ZNF878: variants seen among roughly 807,000 people sequenced by gnomAD.
ZNF878 encodes zinc finger protein 878.
ZNF878 carries 10 observed loss-of-function variants against 11.1 expected under a neutral mutation model. That is an observed-to-expected ratio of 0.90 (90% CI 0.56 to 1.53). The LOEUF is 1.53. ZNF878 is among the 40% of genes most tolerant of loss of function. The probability of loss-of-function intolerance (pLI) is 0.00; values close to 1 mark genes in which losing one functional copy is unlikely to be tolerated. For missense variants in ZNF878, 548 were observed against 626.1 expected, an observed-to-expected ratio of 0.88 and a Z score of 1.33; for synonymous variants, 165 against 209.7, an observed-to-expected ratio of 0.79 and a Z score of 1.84.
At chr19:12,049,572 C>T (rs1016195815) in intron 1 of ZNF878, among the ~76,000 whole-genome samples, 2 of 150,512 alleles carry the variant, frequency 1.3e-5, no homozygotes, top group East Asian at 3.9e-4. Context: ...GAGTTCAAGA[C>T]CAGCTTGGCC....
intron 2 of ZNF878, 88 bp from the exon 3 acceptor site, chr19:12,046,516 C>T: frequency 6.4e-7 from 1 of 1,558,128 alleles, no homozygotes; most frequent in Non-Finnish European, 8.8e-7. Context: ...GCTCATTGCA[C>T]CTGTGTCTCA....
chr19:12,051,126 A>G (rs1975547495), intron 1 of ZNF878, among the ~76,000 whole-genome samples: 1 of 148,260 alleles, frequency 6.7e-6, no homozygotes, highest in African/African-American at 2.5e-5. Context: ...AAAGAAAAGA[A>G]AAGAAATTAA....
Position 12,046,740 on chromosome 19 carries a change from A to G in ZNF878, c.24T>C (p.Asp8=). Residue 8 remains aspartate, a synonymous_variant, in exon 2 of 4, where the codon GAT becomes GAC. Transcript: ENST00000547628. MDSVAFE[D]VAVNFTQEEW... ...CCTCCTGGGTGAAGTTCACAGCCAC[A>G]TCCTCAAAGGCCACCGAATCCTGAA... The G allele has an allele frequency of 6.2e-7, 1 of 1,614,012 alleles. No individual in the cohort carries two copies. The highest frequency in any genetic ancestry group is 8.5e-7 in the Non-Finnish European group (1 of 1,179,964).
rs534193617 is a variant in ZNF878, at chr19:12,052,890, C to G, written c.-89G>C. The stretch of plus-strand genomic sequence containing the variant: ...GCAGTCGACAGAGCAACAGCAGCTA[C>G]GGCGGAAGTAACTGGTCCCTCTCGG... On this transcript the variant is annotated 5_prime_UTR_variant, in exon 1 of 4. Transcript: ENST00000547628. 5.5e-4 allele frequency: 837 copies of G among 1,514,280 alleles called. 1 individual carries two copies. The highest frequency in any genetic ancestry group is 7.1e-4 in the Non-Finnish European group (797 of 1,128,974). 93.8% of individuals were successfully genotyped at this position (1,514,280 alleles called of 1,614,324 possible).
In ZNF878 at chr19:12,046,410, T is replaced by G; in HGVS notation, c.149A>C (p.Gln50Pro). 1.3e-6 allele frequency: 2 copies of G among 1,577,740 alleles called. No individual in the cohort carries two copies. The highest frequency in any genetic ancestry group is 2.7e-5 in the African/African-American group (2 of 74,082). ...LTSIGKKWNN[Q>P]YIEDEHQNPR... ...ATTTTGGTGCTCATCTTCAATGTAC[T>G]GGTTGTTCCATTTTTTTCCTAAAAT... Residue 50 changes from glutamine to proline, a missense_variant, in exon 3 of 4, where the codon CAG (glutamine) becomes CCG (proline). This residue lies in a region of ZNF878 where 160 missense variants were observed against 173.3 expected (regional missense o/e 0.92). Transcript: ENST00000547628.
At position 12,044,370 on chromosome 19, in the gene ZNF878, C is replaced by T; in HGVS notation, c.1031G>A (p.Cys344Tyr). 1 of 1,612,756 alleles carries T rather than the reference C, an allele frequency of 6.2e-7. No individual in the cohort carries two copies. The highest frequency in any genetic ancestry group is 8.5e-7 in the Non-Finnish European group (1 of 1,179,074). The change falls in exon 4 of 4, where the codon TGT becomes TAT. Residue 344 changes from cysteine to tyrosine, a missense_variant. Physicochemically the swap from Cys to Tyr is radical, Grantham distance 194 (BLOSUM62 -2). This residue lies in a region of ZNF878 where 335 missense variants were observed against 358.2 expected (regional missense o/e 0.94). Transcript: ENST00000547628. Reference protein sequence around the residue: ...TGEKPYECKKCVKAFSFVKDL... With the variant: ...TGEKPYECKKYVKAFSFVKDL... The stretch of plus-strand genomic sequence containing the variant: ...CTTGACAAAACTGAAGGCTTTCACA[C>T]ATTTTTTACATTCATAAGGTTTCTC...
intron 1 of ZNF878, 131 bp downstream of exon 1, chr19:12,052,668 G>A: frequency 8.7e-7 from 1 of 1,151,468 alleles, no homozygotes; most frequent in South Asian, 1.9e-5. Flanking sequence ...CGAGGGCCGA[G>A]CTGCGCTAGG....
rs749407523 is a variant in ZNF878, at chr19:12,044,330, A to G, written c.1071T>C (p.His357=). The change falls in exon 4 of 4, where the codon CAT becomes CAC. Residue 357 remains histidine, a synonymous_variant. Coordinates refer to ENST00000547628, the MANE Select transcript of ZNF878 (RefSeq NM_001080404.3). ...GTTTCTCTCCAGTGTGTGTCCTTTC[A>G]TGTATTCGAAGATCCTTGACAAAAC... The part of the protein sequence containing the change: ...AFSFVKDLRI[H]ERTHTGEKPF... 2 of 1,612,478 alleles carry G rather than the reference A, an allele frequency of 1.2e-6. No individual in the cohort carries two copies. Among genetic ancestry groups the G allele is most frequent in the South Asian group, 1.1e-5 (1 of 91,034 alleles).
intron 1 of ZNF878, among the ~76,000 whole-genome samples, chr19:12,047,507 T>A (rs1975505498): frequency 6.6e-6 from 1 of 151,092 alleles, no homozygotes; most frequent in African/African-American, 2.4e-5. Context: ...GAGGTTGCAG[T>A]GAGCCAAAAA....
Position 12,045,088 on chromosome 19 carries a change from T to C in ZNF878, c.313A>G (p.Ser105Gly), listed in dbSNP as rs927612844. ...CCTATGCCGATTTCTCCACACACAC[T>C]GCTTTCATATGATTGTACTCCAGGA... ...KTPGVQSYES[S>G]VCGEIGIGLS... The change falls in exon 4 of 4, where the codon AGT becomes GGT. Residue 105 changes from serine to glycine, a missense_variant. Ser to Gly is a moderately conservative substitution (Grantham distance 56, BLOSUM62 0). Coordinates refer to ENST00000547628, the MANE Select transcript of ZNF878 (RefSeq NM_001080404.3). 1 of 1,613,742 alleles carries C rather than the reference T, an allele frequency of 6.2e-7. No homozygotes were observed.
In ZNF878 at chr19:12,044,094, G is replaced by A. The variant is rs1975428906; in HGVS notation, c.1307C>T (p.Ser436Leu). The A allele has an allele frequency of 1.2e-6, 2 of 1,609,714 alleles. No individual in the cohort carries two copies. Among genetic ancestry groups the A allele is most frequent in the Middle Eastern group, 1.7e-4 (1 of 6,052 alleles). Residue 436 changes from serine (S) to leucine (L), a missense_variant, in exon 4 of 4, where the codon TCA (serine) becomes TTA (leucine). Physicochemically the swap from Ser to Leu is moderately radical, Grantham distance 145. Around this residue, in one of 3 missense-constraint regions of ZNF878, gnomAD observed 335 missense variants for 358.2 expected, o/e 0.94. Transcript: ENST00000547628. ...AGTCCTTTCATGCATTTTAAGTTGT[G>A]AGGCAACTCTAAAGACTTTACCACA... ...KQCGKVFRVA[S>L]QLKMHERTHT...
intron 1 of ZNF878, among the ~76,000 whole-genome samples, chr19:12,050,661 A>T (rs1266702379): frequency 6.6e-6 from 1 of 152,228 alleles, no homozygotes; most frequent in Non-Finnish European, 1.5e-5. Flanking sequence ...ATGACAAGCA[A>T]GTCAGGAAAG....
At chr19:12,051,334 ATAAT>A (rs1423984247) in intron 1 of ZNF878, among the ~76,000 whole-genome samples, 2 of 152,160 alleles carry the variant, frequency 1.3e-5, no homozygotes, top group Non-Finnish European at 2.9e-5. Context: ...ACTAAATTGT[ATAAT>A]TAATTTAGTT....
At chr19:12,051,009 T>C (rs1456307917) in intron 1 of ZNF878, among the ~76,000 whole-genome samples, 1 of 139,648 alleles carries the variant, frequency 7.2e-6, no homozygotes, top group Non-Finnish European at 1.5e-5. Flanking sequence ...GGCAGGACAA[T>C]GGCGTGAACC....
chr19:12,046,288 ATGCT>A, intron 3 of ZNF878, 76 bp downstream of exon 3: 1 of 1,108,316 alleles, frequency 9.0e-7, no homozygotes, highest in Non-Finnish European at 1.3e-6. Context: ...TTTGTTTCTT[ATGCT>A]TGCTTCTTTT....
chr19:12,052,804 C>G lies in ZNF878; in HGVS notation c.-3G>C, dbSNP rs752126149. The G allele has an allele frequency of 9.8e-6, 15 of 1,535,736 alleles. 1 individual carries two copies. In the South Asian group the frequency reaches 1.8e-4, roughly 18 times the overall value. Reference sequence around the variant, plus strand: ...CCCCAGCACCGCATGCTCACCATTTCCTGGCTTCCAGGTATTCTGGCGTCC... The same window carrying G: ...CCCCAGCACCGCATGCTCACCATTTGCTGGCTTCCAGGTATTCTGGCGTCC... On this transcript the variant is annotated 5_prime_UTR_variant, in exon 1 of 4. Transcript: ENST00000547628.
In ZNF878 at chr19:12,052,894, G is replaced by A; in HGVS notation, c.-93C>T. 6.7e-7 allele frequency: 1 copy of A among 1,502,038 alleles called. No homozygotes were observed. The highest frequency in any genetic ancestry group is 8.9e-7 in the Non-Finnish European group (1 of 1,117,878). 93.0% of individuals were successfully genotyped at this position (1,502,038 alleles called of 1,614,324 possible). On this transcript the variant is annotated 5_prime_UTR_variant, in exon 1 of 4. Transcript: ENST00000547628. ...TCGACAGAGCAACAGCAGCTACGGC[G>A]GAAGTAACTGGTCCCTCTCGGAGCA...
rs2145518000 is a variant in ZNF878 at position 12,044,315 on chromosome 19, AGT to A, written c.1084_1085del (p.Thr362TrpfsTer6). 1.2e-6 allele frequency: 2 copies of A among 1,612,704 alleles called. No individual in the cohort carries two copies. Among genetic ancestry groups the A allele is most frequent in the Middle Eastern group, 1.7e-4 (1 of 6,054 alleles). Reference protein sequence around the residue: ...KDLRIHERTHTGEKPFECKQC... With the variant: ...KDLRIHERTHXGEKPFECKQC... ...GTTTACATTCAAAGGGTTTCTCTCCAGTGTGTGTCCTTTCATGTATTCGAAGA... is the reference window on the plus strand; with the variant it reads ...GTTTACATTCAAAGGGTTTCTCTCCAGTGTGTCCTTTCATGTATTCGAAGA... On this transcript the variant is annotated frameshift_variant, in exon 4 of 4. Coordinates refer to ENST00000547628, the MANE Select transcript of ZNF878 (RefSeq NM_001080404.3). LOFTEE classifies it low-confidence loss of function (END_TRUNC).
At chr19:12,048,374 C>T (rs1328048511) in intron 1 of ZNF878, among the ~76,000 whole-genome samples, 2 of 151,328 alleles carry the variant, frequency 1.3e-5, no homozygotes, top group Admixed American at 6.6e-5. Flanking sequence ...TAAAACTAGC[C>T]GGTCTTGGTG....
Sources: allele counts gnomAD v4.1 joint callset (sites outside exome capture counted in the v4.1 genomes callset), GRCh38; gene constraint gnomAD v4.1.1; regional missense constraint gnomAD v4.1.1; transcripts MANE v1.5; gene names NCBI Gene and HGNC (gene_info 2026-07-23, HGNC 2026-07-21).